Variants in DLG2 observed in about 807,000 individuals in gnomAD.
The protein encoded by DLG2 is discs large MAGUK scaffold protein 2.
Under a neutral mutation model 132.5 loss-of-function variants are expected in DLG2, and 45 were observed. The observed-to-expected ratio is 0.34, with a 90% CI of 0.27 to 0.44. The LOEUF (loss-of-function observed/expected upper bound fraction) is 0.44, where lower values mean the gene tolerates loss of function less well. Among genes scored for constraint, DLG2 ranks in the 20% least tolerant of loss-of-function variants. The pLI, the probability that DLG2 is intolerant of heterozygous loss-of-function variation, is 1.00. For synonymous variants in DLG2, 424 were observed against 419.6 expected (o/e 1.01, Z -0.13); for missense variants, 1,045 against 1,196.9 (o/e 0.87, Z 1.87).
chr11:84,842,670 G>A (rs971694291), intron 6 of DLG2, among the ~76,000 whole-genome samples: 4 of 151,940 alleles, frequency 2.6e-5, no homozygotes, highest in African/African-American at 9.7e-5. Context: ...GAAAGGTTGT[G>A]CGTAGTAGTA....
chr11:85,224,226 A>C (rs1209399062), intron 4 of DLG2, among the ~76,000 whole-genome samples: 1 of 152,194 alleles, frequency 6.6e-6, no homozygotes, highest in East Asian at 1.9e-4. Context: ...TGAAGGACAT[A>C]ATAATTGACA....
chr11:84,631,631 A>G (rs2099632323), intron 6 of DLG2, among the ~76,000 whole-genome samples: 1 of 152,150 alleles, frequency 6.6e-6, no homozygotes, highest in African/African-American at 2.4e-5. Context: ...ACGATATTAC[A>G]ATAGGCCATA....
chr11:83,578,191 T>C (rs2096914423), intron 19 of DLG2, among the ~76,000 whole-genome samples: 1 of 151,090 alleles, frequency 6.6e-6, no homozygotes, highest in African/African-American at 2.4e-5. Context: ...ATAATATTGA[T>C]AGTAATGCTA....
chr11:83,706,146 A>G lies in DLG2; in HGVS notation c.1826-72821T>C, dbSNP rs2083928633. Among the ~76,000 whole-genome samples the G allele has an allele frequency of 2.0e-5, 3 of 150,992 alleles. No individual in the cohort carries two copies. In the South Asian group the frequency reaches 6.3e-4, roughly 32 times the overall value. ...GGCAGGAGAATCGCTTGAACCCGGGAGGCAGAGGTTGCAGTGAGCTGAGAT... is the reference window on the plus strand; with the variant it reads ...GGCAGGAGAATCGCTTGAACCCGGGGGGCAGAGGTTGCAGTGAGCTGAGAT... On this transcript the variant is annotated intron_variant, in intron 18 of 27. Transcript: ENST00000376104.
intron 8 of DLG2, among the ~76,000 whole-genome samples, chr11:84,244,998 G>T (rs975615515): frequency 1.3e-5 from 2 of 152,124 alleles, no homozygotes; most frequent in African/African-American, 4.8e-5. Flanking sequence ...CAAGTGCTTG[G>T]TCACCTCACT....
rs140620001 is a variant in DLG2, at chr11:84,828,578, T to G, written c.357+283083A>C. ...TTTACTCTCTTGTTACCACCTATAC[T>G]CATCTCCTGTCATTGATCTTCTCAT... On this transcript the variant is annotated intron_variant, in intron 6 of 27. Transcript: ENST00000376104. Among the ~76,000 whole-genome samples, 66 of 151,904 alleles carry G rather than the reference T, an allele frequency of 4.3e-4. No individual in the cohort carries two copies. The East Asian group carries it at 0.012, about 27-fold the overall frequency.
chr11:83,486,908 T>A (rs1439205525), intron 21 of DLG2, among the ~76,000 whole-genome samples: 1 of 152,168 alleles, frequency 6.6e-6, no homozygotes, highest in Non-Finnish European at 1.5e-5. Context: ...TGGTTTATAA[T>A]GCTTTAACAG....
intron 3 of DLG2, among the ~76,000 whole-genome samples, chr11:85,356,270 C>A (rs1378179089): frequency 6.6e-6 from 1 of 152,106 alleles, no homozygotes; most frequent in African/African-American, 2.4e-5. Context: ...AATGCCCTTG[C>A]TGAATAATTT....
At chr11:84,560,588 C>T (rs901035011) in intron 6 of DLG2, among the ~76,000 whole-genome samples, 1 of 152,004 alleles carries the variant, frequency 6.6e-6, no homozygotes, top group South Asian at 2.1e-4. Context: ...GAGGGGTCTT[C>T]TTATAAAATA....
At chr11:83,929,556 C>T (rs2079748052) in intron 15 of DLG2, among the ~76,000 whole-genome samples, 1 of 152,162 alleles carries the variant, frequency 6.6e-6, no homozygotes, top group Non-Finnish European at 1.5e-5. Flanking sequence ...GTCCAACTTT[C>T]AGACTTAGAA....
chr11:83,667,803 C>G (rs1234823233), intron 18 of DLG2, among the ~76,000 whole-genome samples: 2 of 151,596 alleles, frequency 1.3e-5, no homozygotes, highest in Non-Finnish European at 2.9e-5. Context: ...CACGGTGAAA[C>G]CCCGTCTGTA....
At chr11:83,786,594 A>G (rs17146082) in intron 18 of DLG2, 96 bp downstream of exon 18, 40,470 of 1,121,122 alleles carry the variant, frequency 0.036, 1,140 homozygotes, top group African/African-American at 0.13. Context: ...CAAAACACCA[A>G]TGATGGTGAC....
At chr11:85,016,122 G>A (rs1328151230) in intron 6 of DLG2, among the ~76,000 whole-genome samples, 1 of 151,620 alleles carries the variant, frequency 6.6e-6, no homozygotes, top group Non-Finnish European at 1.5e-5. Flanking sequence ...ATTAAGTAAG[G>A]GTAATTTCAT....
intron 3 of DLG2, among the ~76,000 whole-genome samples, chr11:85,377,986 G>A (rs1031415283): frequency 2.0e-5 from 3 of 151,692 alleles, no homozygotes; most frequent in African/African-American, 7.3e-5. Flanking sequence ...TGAATTTCCA[G>A]TCACTACCTA....
At chr11:85,472,093 G>A (rs1382790382) in intron 3 of DLG2, among the ~76,000 whole-genome samples, 2 of 152,158 alleles carry the variant, frequency 1.3e-5, no homozygotes, top group Non-Finnish European at 2.9e-5. Context: ...CAAGCTGCCA[G>A]TCTGGGTGAA....
intron 3 of DLG2, among the ~76,000 whole-genome samples, chr11:85,583,130 G>GTGTGTGTATATATA (rs1555190569): frequency 1.5e-3 from 20 of 13,604 alleles, no homozygotes; most frequent in Non-Finnish European, 2.4e-3. Context: ...GTGTGTGTGT[G>GTGTGTGTATATATA]TATATATATA....
intron 6 of DLG2, among the ~76,000 whole-genome samples, chr11:84,538,473 T>C (rs758478432): frequency 6.6e-6 from 1 of 152,170 alleles, no homozygotes; most frequent in African/African-American, 2.4e-5. Context: ...CTCTCATACC[T>C]CACGGTGAGA....
intron 3 of DLG2, among the ~76,000 whole-genome samples, chr11:85,418,809 T>C (rs1167399561): frequency 6.6e-6 from 1 of 152,210 alleles, no homozygotes; most frequent in Non-Finnish European, 1.5e-5. Flanking sequence ...TCCCTTTATT[T>C]TGAGCCTGTG....
intron 3 of DLG2, among the ~76,000 whole-genome samples, chr11:85,351,994 C>A (rs1417467313): frequency 2.0e-5 from 3 of 152,190 alleles, no homozygotes; most frequent in African/African-American, 7.2e-5. Flanking sequence ...GTACCAGCTC[C>A]TCTTTGTACC....
Sources: gnomAD v4.1 joint callset for allele counts (sites outside exome capture counted in the v4.1 genomes callset) on GRCh38, gnomAD v4.1.1 for gene constraint, MANE v1.5 for transcripts, NCBI Gene and HGNC (gene_info 2026-07-23, HGNC 2026-07-21) for gene names.